The following JAZF1 variants were observed in gnomAD, a reference collection of about 807,000 sequenced individuals.
JAZF1 encodes the protein juxtaposed with another zinc finger protein 1.
A neutral mutation model predicts 26.4 loss-of-function variants in JAZF1; 8 were observed. The ratio of observed to expected loss-of-function variants is 0.30; its 90% CI spans 0.18 to 0.55. The LOEUF is 0.55. JAZF1 is among the 20% of genes least tolerant of loss of function. The pLI, the probability that JAZF1 is intolerant of heterozygous loss-of-function variation, is 0.94. For synonymous variants in JAZF1, 126 were observed against 122.3 expected (o/e 1.03, Z -0.20); for missense variants, 199 against 322.0 (o/e 0.62, Z 2.92).
At chr7:28,076,612 G>A (rs1280880524) in intron 1 of JAZF1, among the ~76,000 whole-genome samples, 1 of 149,194 alleles carries the variant, frequency 6.7e-6, no homozygotes, top group Non-Finnish European at 1.5e-5. Context: ...ACATGAGAAC[G>A]AAAGAAAATC....
At chr7:28,018,029 C>T (rs1156336221) in intron 1 of JAZF1, among the ~76,000 whole-genome samples, 1 of 152,134 alleles carries the variant, frequency 6.6e-6, no homozygotes, top group Non-Finnish European at 1.5e-5. Flanking sequence ...ACCTCAGCCT[C>T]CCAAAGTGGA....
chr7:28,151,902 C>G (rs897413423), intron 1 of JAZF1, among the ~76,000 whole-genome samples: 6 of 152,196 alleles, frequency 3.9e-5, no homozygotes, highest in African/African-American at 1.4e-4. Flanking sequence ...ACAATTCACT[C>G]TACTAGTGAA....
chr7:28,087,441 C>CT (rs1159267920), intron 1 of JAZF1, among the ~76,000 whole-genome samples: 17 of 151,944 alleles, frequency 1.1e-4, no homozygotes, highest in South Asian at 2.1e-4. Context: ...GGGAATTTTC[C>CT]TTTTTGTTTA....
At chr7:28,070,794 A>G (rs191367441) in intron 1 of JAZF1, among the ~76,000 whole-genome samples, 1 of 152,324 alleles carries the variant, frequency 6.6e-6, no homozygotes, top group Non-Finnish European at 1.5e-5. Flanking sequence ...AAAGCCTAAC[A>G]TTTCACAAGT....
chr7:28,138,106 A>C (rs1298462227), intron 1 of JAZF1, among the ~76,000 whole-genome samples: 2 of 152,180 alleles, frequency 1.3e-5, no homozygotes, highest in Admixed American at 1.3e-4. Context: ...ATGTTCCAGA[A>C]CCATACCTAC....
intron 3 of JAZF1, among the ~76,000 whole-genome samples, chr7:27,884,202 G>A (rs1327330610): frequency 6.6e-6 from 1 of 152,082 alleles, no homozygotes; most frequent in African/African-American, 2.4e-5. Flanking sequence ...CCCAATCACA[G>A]CTCACTGCAG....
intron 1 of JAZF1, among the ~76,000 whole-genome samples, chr7:28,083,021 A>G (rs1784160340): frequency 6.6e-6 from 1 of 152,022 alleles, no homozygotes; most frequent in Non-Finnish European, 1.5e-5. Flanking sequence ...ATGGAAACAC[A>G]TTTTCTCACC....
chr7:27,920,809 A>C (rs901430664), intron 2 of JAZF1, among the ~76,000 whole-genome samples: 1 of 152,190 alleles, frequency 6.6e-6, no homozygotes, highest in African/African-American at 2.4e-5. Flanking sequence ...ATATGGTGTA[A>C]TAGAGAGGTC....
rs1237848974 is a variant in JAZF1, at chr7:27,833,067, T to C, written c.556-91A>G. On this transcript the variant is annotated intron_variant, in intron 4 of 4. Coordinates refer to ENST00000283928, the MANE Select transcript of JAZF1 (RefSeq NM_175061.4). ...CAATTTGGGTCTGGATTGCAGTTCC[T>C]GGATGGCAGCTGTTTAGAGTGTAGT... 4.1e-6 allele frequency: 4 copies of C among 982,684 alleles called. No individual in the cohort carries two copies. The African/African-American group carries it at 6.6e-5, about 16-fold the overall frequency. 60.9% of individuals were successfully genotyped at this position (982,684 alleles called of 1,614,324 possible).
At chr7:27,911,810 G>C (rs907368156) in intron 2 of JAZF1, among the ~76,000 whole-genome samples, 6 of 150,438 alleles carry the variant, frequency 4.0e-5, no homozygotes, top group African/African-American at 1.5e-4. Context: ...GGGAAAAGGA[G>C]GCAAAGGTTG....
intron 2 of JAZF1, among the ~76,000 whole-genome samples, chr7:27,916,751 T>C (rs1456632569): frequency 6.6e-6 from 1 of 152,146 alleles, no homozygotes; most frequent in Non-Finnish European, 1.5e-5. Flanking sequence ...GCATATAATA[T>C]AAGAGCTGAA....
intron 1 of JAZF1, among the ~76,000 whole-genome samples, chr7:28,164,297 A>G (rs1163217152): frequency 6.6e-6 from 1 of 152,232 alleles, no homozygotes; most frequent in East Asian, 1.9e-4. Flanking sequence ...GTGATGCTTC[A>G]TTATTGTAGC....
intron 2 of JAZF1, among the ~76,000 whole-genome samples, chr7:27,957,158 A>T (rs1785110228): frequency 6.6e-6 from 1 of 151,296 alleles, no homozygotes; most frequent in Non-Finnish European, 1.5e-5. Flanking sequence ...ACTGAATTTA[A>T]ATCCTCAAAG....
intron 1 of JAZF1, among the ~76,000 whole-genome samples, chr7:28,052,904 A>C (rs1783639450): frequency 6.6e-6 from 1 of 151,944 alleles, no homozygotes; most frequent in Non-Finnish European, 1.5e-5. Flanking sequence ...CAGCAGTGTT[A>C]TGTATGTTCA....
At chr7:28,175,105 A>G (rs1043448211) in intron 1 of JAZF1, among the ~76,000 whole-genome samples, 1 of 152,220 alleles carries the variant, frequency 6.6e-6, no homozygotes, top group Non-Finnish European at 1.5e-5. Flanking sequence ...AATTCAGGCC[A>G]CAAGGAAAGG....
chr7:27,930,833 T>TTA (rs199699319), intron 2 of JAZF1, among the ~76,000 whole-genome samples: 47 of 151,022 alleles, frequency 3.1e-4, no homozygotes, highest in African/African-American at 5.3e-4. Context: ...CCATTTTTTT[T>TTA]AAAAAAAAAA....
Position 28,056,435 on chromosome 7 carries a change from TACACAC to T in JAZF1, c.116-64460_116-64455del, listed in dbSNP as rs3073772. Among the ~76,000 whole-genome samples, 452 of 98,186 alleles carry T rather than the reference TACACAC, an allele frequency of 4.6e-3. 4 individuals carry two copies. The highest frequency in any genetic ancestry group is 0.032 in the East Asian group (147 of 4,628). 64.4% of individuals were successfully genotyped at this position (98,186 alleles called of 152,430 possible). A position where few individuals can be genotyped will look rare whatever the true frequency, so the allele number is the denominator to read the frequency against. ...TCATTCCTTGAACTATTTCAACAACTACACACACACACACACACACACACACACACA... is the reference window on the plus strand; with the variant it reads ...TCATTCCTTGAACTATTTCAACAACTACACACACACACACACACACACACA... On this transcript the variant is annotated intron_variant, in intron 1 of 4. Coordinates refer to ENST00000283928, the MANE Select transcript of JAZF1 (RefSeq NM_175061.4).
At chr7:27,889,549 T>C (rs1322679481) in intron 3 of JAZF1, among the ~76,000 whole-genome samples, 2 of 152,118 alleles carry the variant, frequency 1.3e-5, no homozygotes, top group African/African-American at 4.8e-5. Context: ...TTAGAAAATA[T>C]GGGAAAAGAA....
chr7:27,883,827 T>C (rs1364990175), intron 3 of JAZF1, among the ~76,000 whole-genome samples: 11 of 152,248 alleles, frequency 7.2e-5, no homozygotes, highest in Admixed American at 7.2e-4. Flanking sequence ...TCTTCTCTGC[T>C]CCTTCTCTCT....
Sources: gnomAD v4.1 joint callset for allele counts (sites outside exome capture counted in the v4.1 genomes callset) on GRCh38, gnomAD v4.1.1 for gene constraint, MANE v1.5 for transcripts, NCBI Gene and HGNC (gene_info 2026-07-23, HGNC 2026-07-21) for gene names.